The following RNF128 variants were observed in gnomAD, a reference collection of about 807,000 sequenced individuals.
RNF128 encodes the protein E3 ubiquitin-protein ligase RNF128.
In RNF128, 13 loss-of-function variants were observed where a neutral mutation model predicts 26.2. The observed-to-expected ratio is 0.50, with a 90% CI of 0.32 to 0.79. The LOEUF (loss-of-function observed/expected upper bound fraction) is 0.79, where lower values mean the gene tolerates loss of function less well. Among genes scored for constraint, RNF128 ranks in the 30% least tolerant of loss-of-function variants. The pLI is 0.03. For synonymous variants in RNF128, 149 were observed against 142.5 expected, an observed-to-expected ratio of 1.05 and a Z score of -0.32; for missense variants, 315 against 349.7, an observed-to-expected ratio of 0.90 and a Z score of 0.79.
rs748528622 is a variant in RNF128 at position 106,726,938 on chromosome X, G to A, written c.25G>A (p.Val9Ile). Residue 9 changes from valine (V) to isoleucine (I), a missense_variant, in exon 1 of 7, where the codon GTC (valine) becomes ATC (isoleucine). By Grantham distance (29) the Val-to-Ile change is conservative. Coordinates refer to ENST00000255499, the MANE Select transcript of RNF128 (RefSeq NM_194463.2). MGPPPGAG[V>I]SCRGGCGFSR... ...CATGGGGCCGCCGCCTGGGGCCGGG[G>A]TCTCCTGCCGCGGTGGCTGCGGCTT... 2.8e-5 allele frequency: 33 copies of A among 1,179,929 alleles called. No homozygotes were observed. Among genetic ancestry groups the A allele is most frequent in the East Asian group, 9.3e-5 (3 of 32,223 alleles).
At chrX:106,768,684 T>C (rs1000345122) in intron 1 of RNF128, among the ~76,000 whole-genome samples, 2 of 111,724 alleles carry the variant, frequency 1.8e-5, no homozygotes, top group Non-Finnish European at 3.8e-5. Flanking sequence ...ATTCATTGAT[T>C]TTTTGAAGGG....
At chrX:106,778,717 G>A (rs1223158277) in intron 2 of RNF128, among the ~76,000 whole-genome samples, 1 of 111,365 alleles carries the variant, frequency 9.0e-6, no homozygotes, top group African/African-American at 3.3e-5. Context: ...TGGTTCCCTG[G>A]GCAGAGATAT....
intron 1 of RNF128, among the ~76,000 whole-genome samples, chrX:106,740,212 CTGT>C (rs762720173): frequency 1.3e-4 from 14 of 111,277 alleles, no homozygotes; most frequent in South Asian, 7.7e-4. Context: ...TTTTTAGCCT[CTGT>C]TGTTGTTGTT....
chrX:106,715,219 TA>T (rs1316679775), intron 1 of RNF128, among the ~76,000 whole-genome samples: 5 of 112,021 alleles, frequency 4.5e-5, no homozygotes, highest in Non-Finnish European at 7.5e-5. Context: ...GTAGACACAT[TA>T]TTTTTTTTAA....
chrX:106,749,096 A>C (rs1280164615), intron 1 of RNF128, among the ~76,000 whole-genome samples: 1 of 111,927 alleles, frequency 8.9e-6, no homozygotes, highest in East Asian at 2.8e-4. Context: ...GCCATCCTTC[A>C]CATTTTCCAA....
intron 1 of RNF128, among the ~76,000 whole-genome samples, chrX:106,733,923 A>G (rs1929544447): frequency 9.0e-6 from 1 of 111,467 alleles, no homozygotes; most frequent in African/African-American, 3.3e-5. Flanking sequence ...CTGGTCTCTA[A>G]CGCCTGACCT....
At chrX:106,787,548 C>A (rs961308791) in intron 3 of RNF128, among the ~76,000 whole-genome samples, 1 of 110,700 alleles carries the variant, frequency 9.0e-6, no homozygotes, top group African/African-American at 3.3e-5. Flanking sequence ...TCAAAACGTG[C>A]AGAACTGTAC....
chrX:106,726,847 CA>C lies in RNF128; in HGVS notation c.-66del. ...CACCTGGCGCGCACCTGCTCAAGAC[CA>C]GGGTCCTGCCAAGCGCTAGGAGGGC... is the stretch of plus-strand genomic sequence containing the variant. On this transcript the variant is annotated 5_prime_UTR_variant, in exon 1 of 7. Transcript: ENST00000255499. 1 of 1,108,512 alleles carries C rather than the reference CA, an allele frequency of 9.0e-7. No individual in the cohort carries two copies. The highest frequency in any genetic ancestry group is 1.8e-5 in the African/African-American group (1 of 54,611). The allele number at this position is 1,108,512 out of a possible 1,213,427, so 91.4% of individuals were successfully genotyped here. A position where few individuals can be genotyped will look rare whatever the true frequency, so the allele number is the denominator to read the frequency against.
intron 1 of RNF128, among the ~76,000 whole-genome samples, chrX:106,700,151 T>C (rs1188004334): frequency 1.8e-5 from 2 of 109,298 alleles, no homozygotes; most frequent in East Asian, 5.8e-4. Flanking sequence ...GCCTCCCAAG[T>C]AGCTGGGACC....
chrX:106,722,002 T>C (rs1447198751), upstream of RNF128, among the ~76,000 whole-genome samples: 1 of 111,303 alleles, frequency 9.0e-6, no homozygotes, highest in Non-Finnish European at 1.9e-5. Context: ...CGAGGGAATA[T>C]ATTTGGGACT....
At chrX:106,775,177 A>T (rs901215518) in intron 2 of RNF128, among the ~76,000 whole-genome samples, 20 of 111,939 alleles carry the variant, frequency 1.8e-4, no homozygotes, top group African/African-American at 6.5e-4. Flanking sequence ...ACACTGTGTT[A>T]ATATTTGACA....
chrX:106,789,398 TTATA>T (rs1420992684), intron 4 of RNF128, among the ~76,000 whole-genome samples: 1 of 96,834 alleles, frequency 1.0e-5, no homozygotes, highest in Non-Finnish European at 2.0e-5. Context: ...TATATGTACA[TTATA>T]TAATATATAT....
In RNF128 at chrX:106,791,134, C is replaced by G; in HGVS notation, c.1053C>G (p.Ser351=). 1.7e-6 allele frequency: 2 copies of G among 1,207,492 alleles called. No homozygotes were observed. The highest frequency in any genetic ancestry group is 2.2e-6 in the Non-Finnish European group (2 of 892,226). ...PVSNEISNSA[S]SHEEDNRSET... ...CCAATGAAATATCTAATAGTGCCTC[C>G]TCCCATGAAGAGGATAATCGCAGCG... is the stretch of plus-strand genomic sequence containing the variant. The change falls in exon 6 of 7, where the codon TCC becomes TCG. Residue 351 remains serine (S), a synonymous_variant. Coordinates refer to ENST00000255499, the MANE Select transcript of RNF128 (RefSeq NM_194463.2).
At chrX:106,727,452 C>G (rs1375072937) in intron 1 of RNF128, 55 bp downstream of exon 1, 11 of 1,176,044 alleles carry the variant, frequency 9.4e-6, no homozygotes, top group Non-Finnish European at 1.3e-5. Flanking sequence ...GCCAGTTTCT[C>G]TTATTTTCCT....
chrX:106,754,784 A>C (rs1929971040), intron 1 of RNF128, among the ~76,000 whole-genome samples: 1 of 110,969 alleles, frequency 9.0e-6, no homozygotes, highest in African/African-American at 3.3e-5. Flanking sequence ...AGATATAGCA[A>C]AAACAGTACT....
intron 1 of RNF128, among the ~76,000 whole-genome samples, chrX:106,757,657 C>T (rs1410073313): frequency 1.0e-5 from 1 of 97,324 alleles, no homozygotes. Context: ...GTGGGTGCAG[C>T]GCACCAGCAC....
rs776783530 is a variant in RNF128, at chrX:106,726,969, G to A, written c.56G>A (p.Arg19Lys). The A allele has an allele frequency of 4.2e-6, 5 of 1,193,887 alleles. No individual in the cohort carries two copies. The highest frequency in any genetic ancestry group is 2.6e-4 in the Middle Eastern group (1 of 3,921). ...TGCCGCGGTGGCTGCGGCTTTTCCA[G>A]ATTGCTGGCATGGTGCTTCCTGCTG... ...VSCRGGCGFS[R>K]LLAWCFLLAL... Residue 19 changes from arginine (R) to lysine (K), a missense_variant, in exon 1 of 7, where the codon AGA becomes AAA. Coordinates refer to ENST00000255499, the MANE Select transcript of RNF128 (RefSeq NM_194463.2).
At chrX:106,732,767 T>C (rs1929521925) in intron 1 of RNF128, among the ~76,000 whole-genome samples, 1 of 111,823 alleles carries the variant, frequency 8.9e-6, no homozygotes, top group African/African-American at 3.2e-5. Context: ...AAGAAAATAA[T>C]GACAAATGAC....
rs1930018893 is a variant in RNF128 at position 106,756,732 on chromosome X, C to T, written c.485-16181C>T. Among the ~76,000 whole-genome samples, 6 of 107,821 alleles carry T rather than the reference C, an allele frequency of 5.6e-5. No individual in the cohort carries two copies. The South Asian group carries it at 2.5e-3, about 44-fold the overall frequency. 93.6% of individuals were successfully genotyped at this position (107,821 alleles called of 115,157 possible). ...CAATGGCAACAAAAGAAAAAATTGACAAATGGGATCTAATTAAAATAAAGA... is the reference window on the plus strand; with the variant it reads ...CAATGGCAACAAAAGAAAAAATTGATAAATGGGATCTAATTAAAATAAAGA... On this transcript the variant is annotated intron_variant, in intron 1 of 6. Transcript: ENST00000255499.
Sources: allele counts gnomAD v4.1 joint callset (sites outside exome capture counted in the v4.1 genomes callset), GRCh38; gene constraint gnomAD v4.1.1; transcripts MANE v1.5; gene names NCBI Gene and HGNC (gene_info 2026-07-23, HGNC 2026-07-21).